The following FHIT variants were observed in gnomAD, a reference collection of about 807,000 sequenced individuals.
FHIT encodes fragile histidine triad diadenosine triphosphatase, also known as bis(5'-adenosyl)-triphosphatase.
FHIT carries 19 observed loss-of-function variants against 17.9 expected under a neutral mutation model. The observed-to-expected ratio is 1.06, with a 90% CI of 0.74 to 1.56. The LOEUF (loss-of-function observed/expected upper bound fraction) is 1.56, where lower values mean the gene tolerates loss of function less well. FHIT is among the 40% of genes most tolerant of loss of function. The pLI is 0.00. For synonymous variants in FHIT, 81 were observed against 69.7 expected, an observed-to-expected ratio of 1.16 and a Z score of -0.81; for missense variants, 248 against 189.2, an observed-to-expected ratio of 1.31 and a Z score of -1.82.
intron 3 of FHIT, among the ~76,000 whole-genome samples, chr3:60,845,056 G>A (rs1488424521): frequency 1.3e-5 from 2 of 151,968 alleles, no homozygotes; most frequent in Non-Finnish European, 2.9e-5. Context: ...TGAATATGAA[G>A]TTTATTTTCA....
At chr3:60,197,274 T>A (rs1702690395) in intron 5 of FHIT, among the ~76,000 whole-genome samples, 2 of 152,090 alleles carry the variant, frequency 1.3e-5, no homozygotes. Context: ...GTGCTATAAG[T>A]GTAAAATACA....
chr3:60,579,008 G>A (rs947685859), intron 4 of FHIT, among the ~76,000 whole-genome samples: 1 of 152,150 alleles, frequency 6.6e-6, no homozygotes, highest in African/African-American at 2.4e-5. Flanking sequence ...CTCAAGAAAT[G>A]CTGTTATAGC....
At chr3:61,230,943 C>T (rs1048186027) in intron 1 of FHIT, among the ~76,000 whole-genome samples, 5 of 151,958 alleles carry the variant, frequency 3.3e-5, no homozygotes, top group South Asian at 2.1e-4. Flanking sequence ...CTATCACTGA[C>T]GTGTTCAAGT....
At chr3:59,982,244 A>G (rs1188713916) in intron 7 of FHIT, among the ~76,000 whole-genome samples, 4 of 151,324 alleles carry the variant, frequency 2.6e-5, no homozygotes, top group Non-Finnish European at 5.9e-5. Flanking sequence ...ACAAAATAAC[A>G]TCCCTGAAGA....
intron 5 of FHIT, among the ~76,000 whole-genome samples, chr3:60,220,288 C>T (rs1703903187): frequency 6.6e-6 from 1 of 152,074 alleles, no homozygotes; most frequent in South Asian, 2.1e-4. Context: ...GGTATAAATG[C>T]TCTGGCCTGA....
intron 5 of FHIT, among the ~76,000 whole-genome samples, chr3:60,155,410 C>T (rs1237524851): frequency 6.6e-6 from 1 of 152,126 alleles, no homozygotes; most frequent in African/African-American, 2.4e-5. Context: ...CCCCAACTAC[C>T]CCACGCAGCA....
chr3:60,279,305 C>T (rs1056408791), intron 5 of FHIT, among the ~76,000 whole-genome samples: 1 of 152,014 alleles, frequency 6.6e-6, no homozygotes, highest in African/African-American at 2.4e-5. Context: ...GAGGCAATTC[C>T]TTAAAAGAAA....
chr3:60,645,272 G>T (rs1326501116), intron 4 of FHIT, among the ~76,000 whole-genome samples: 4 of 152,034 alleles, frequency 2.6e-5, no homozygotes, highest in African/African-American at 9.7e-5. Context: ...TGGCCACTTC[G>T]CAAGCAGGAG....
intron 3 of FHIT, among the ~76,000 whole-genome samples, chr3:61,014,310 C>T (rs1000794410): frequency 6.6e-6 from 1 of 152,060 alleles, no homozygotes; most frequent in African/African-American, 2.4e-5. Flanking sequence ...TTGTCTCTGG[C>T]AAGCATCACT....
intron 8 of FHIT, among the ~76,000 whole-genome samples, chr3:59,859,716 G>T (rs2106838888): frequency 6.6e-6 from 1 of 152,258 alleles, no homozygotes; most frequent in East Asian, 1.9e-4. Context: ...GGGAGACTCT[G>T]ACTCTCAACA....
intron 5 of FHIT, among the ~76,000 whole-genome samples, chr3:60,510,303 A>G (rs1009631889): frequency 1.3e-5 from 2 of 152,184 alleles, no homozygotes; most frequent in African/African-American, 4.8e-5. Context: ...TTCAGATCCA[A>G]TTTCACATAT....
chr3:60,046,452 GC>G (rs994471550), intron 5 of FHIT, among the ~76,000 whole-genome samples: 6 of 152,210 alleles, frequency 3.9e-5, no homozygotes, highest in African/African-American at 9.7e-5. Flanking sequence ...AGAGGGCTCG[GC>G]CAGCTGACAG....
chr3:61,162,672 T>C (rs908112358), intron 2 of FHIT, among the ~76,000 whole-genome samples: 4 of 152,232 alleles, frequency 2.6e-5, no homozygotes, highest in African/African-American at 9.6e-5. Flanking sequence ...ATTACCATAT[T>C]ATCAGATTCT....
chr3:60,208,870 T>C (rs1182621729), intron 5 of FHIT, among the ~76,000 whole-genome samples: 1 of 152,274 alleles, frequency 6.6e-6, no homozygotes, highest in Non-Finnish European at 1.5e-5. Context: ...AATGGAGATA[T>C]CATTCATTCA....
intron 5 of FHIT, among the ~76,000 whole-genome samples, chr3:60,227,996 G>A: frequency 6.6e-6 from 1 of 152,228 alleles, no homozygotes; most frequent in Middle Eastern, 3.4e-3. Flanking sequence ...AGACCTATTA[G>A]GTTTCCTTTT....
chr3:60,450,487 A>G (rs919515213), intron 5 of FHIT, among the ~76,000 whole-genome samples: 3 of 152,186 alleles, frequency 2.0e-5, no homozygotes, highest in African/African-American at 7.2e-5. Flanking sequence ...ACAAAGCAGA[A>G]AAGAATAAAC....
intron 7 of FHIT, among the ~76,000 whole-genome samples, chr3:59,939,838 G>C (rs533158235): frequency 6.6e-6 from 1 of 152,196 alleles, no homozygotes; most frequent in Non-Finnish European, 1.5e-5. Context: ...TAGAGGTAGG[G>C]AGTGTCACAG....
intron 4 of FHIT, among the ~76,000 whole-genome samples, chr3:60,726,824 A>G (rs2041925596): frequency 1.3e-5 from 2 of 152,318 alleles, no homozygotes; most frequent in South Asian, 4.1e-4. Context: ...TAAGAGGTAG[A>G]GTGAGACCTT....
At chr3:60,055,083 AC>A (rs1381685374) in intron 5 of FHIT, among the ~76,000 whole-genome samples, 8 of 152,042 alleles carry the variant, frequency 5.3e-5, no homozygotes, top group African/African-American at 1.9e-4. Flanking sequence ...GAAATAAACT[AC>A]CCCCATTCCA....
Sources: gnomAD v4.1 joint callset for allele counts (sites outside exome capture counted in the v4.1 genomes callset) on GRCh38, gnomAD v4.1.1 for gene constraint, MANE v1.5 for transcripts, NCBI Gene and HGNC (gene_info 2026-07-23, HGNC 2026-07-21) for gene names.